The following PI4KB variants were observed in gnomAD, a reference collection of about 807,000 sequenced individuals.
The protein encoded by PI4KB is PtdIns 4-kinase beta.
Under a neutral mutation model 81.4 loss-of-function variants are expected in PI4KB, and 23 were observed. The ratio of observed to expected loss-of-function variants is 0.28; its 90% CI spans 0.20 to 0.40. The LOEUF is 0.40. Among genes scored for constraint, PI4KB ranks in the 10% least tolerant of loss-of-function variants. The pLI is 1.00. For synonymous variants in PI4KB, 381 were observed against 406.8 expected, an observed-to-expected ratio of 0.94 and a Z score of 0.76; for missense variants, 651 against 1,036.6, an observed-to-expected ratio of 0.63 and a Z score of 5.11.
chr1:151,293,994 C>G, intron 11 of PI4KB, 24 bp downstream of exon 11: 3 of 1,613,736 alleles, frequency 1.9e-6, no homozygotes, highest in Non-Finnish European at 2.5e-6. Context: ...GGCACTATAG[C>G]ACCTGACCTC....
In PI4KB at chr1:151,292,776, G is replaced by T; in HGVS notation, c.*76C>A. ...ATGGTTGGGTAGGTGGGGTTTCCTG[G>T]TTTGGGGTTTCTCAGACAAGGGCCC... On this transcript the variant is annotated 3_prime_UTR_variant, in exon 12 of 12. Coordinates refer to ENST00000368873, the MANE Select transcript of PI4KB (RefSeq NM_001369623.2). The T allele has an allele frequency of 7.3e-7, 1 of 1,375,720 alleles. No homozygotes were observed. The highest frequency in any genetic ancestry group is 1.0e-6 in the Non-Finnish European group (1 of 999,240). The allele number at this position is 1,375,720 out of a possible 1,614,324, so 85.2% of individuals were successfully genotyped here.
chr1:151,292,593 T>C lies in PI4KB; in HGVS notation c.*259A>G. ...CCTCTGTTTTCTGGAGGGCAGTGAG[T>C]CCTGGAGTCAGTCTGGTGGTAATAC... On this transcript the variant is annotated 3_prime_UTR_variant, in exon 12 of 12. Transcript: ENST00000368873. The C allele has an allele frequency of 2.0e-6, 1 of 490,936 alleles. No individual in the cohort carries two copies. Among genetic ancestry groups the C allele is most frequent in the Non-Finnish European group, 3.7e-6 (1 of 272,614 alleles). 30.4% of individuals were successfully genotyped at this position (490,936 alleles called of 1,614,324 possible).
At chr1:151,312,138 A>G (rs923846817) in intron 2 of PI4KB, among the ~76,000 whole-genome samples, 1 of 152,208 alleles carries the variant, frequency 6.6e-6, no homozygotes, top group African/African-American at 2.4e-5. Context: ...ACTGTGGGAG[A>G]GAGTGTAAAG....
intron 3 of PI4KB, 36 bp from the exon 4 acceptor site, chr1:151,307,837 G>C: frequency 6.7e-7 from 1 of 1,481,812 alleles, no homozygotes; most frequent in Non-Finnish European, 9.4e-7. Context: ...AGATGGTGAA[G>C]AAACCATAGA....
At chr1:151,315,485 C>T in intron 2 of PI4KB, 88 bp downstream of exon 2, 1 of 849,454 alleles carries the variant, frequency 1.2e-6, no homozygotes, top group Admixed American at 1.8e-5. Context: ...ACAGAAAGAA[C>T]AGCGTAACCC....
intron 2 of PI4KB, among the ~76,000 whole-genome samples, chr1:151,313,658 T>G (rs1025906462): frequency 3.3e-5 from 5 of 152,224 alleles, no homozygotes; most frequent in African/African-American, 1.2e-4. Context: ...GCAACTTCTC[T>G]TCATGACCCA....
intron 1 of PI4KB, among the ~76,000 whole-genome samples, chr1:151,326,649 T>C (rs1204051210): frequency 6.6e-6 from 1 of 152,132 alleles, no homozygotes; most frequent in African/African-American, 2.4e-5. Flanking sequence ...AGGTTCAAAG[T>C]AAGAATGTAA....
intron 1 of PI4KB, among the ~76,000 whole-genome samples, chr1:151,317,937 T>C (rs1049076248): frequency 6.6e-6 from 1 of 151,638 alleles, no homozygotes; most frequent in African/African-American, 2.4e-5. Flanking sequence ...GCCTCCCGAG[T>C]AGCTAGGACT....
At chr1:151,313,956 T>G (rs985841032) in intron 2 of PI4KB, among the ~76,000 whole-genome samples, 3 of 152,258 alleles carry the variant, frequency 2.0e-5, no homozygotes, top group African/African-American at 7.2e-5. Context: ...AGCCTCAGTT[T>G]CCTTGCTGGC....
chr1:151,310,299 A>AG, intron 2 of PI4KB, 44 bp from the exon 3 acceptor site: 1 of 634,402 alleles, frequency 1.6e-6, no homozygotes, highest in Non-Finnish European at 2.9e-6. Flanking sequence ...GGGGGTGGGA[A>AG]GGGAGGGGAG....
At chr1:151,327,147 G>A (rs1557821423) in intron 1 of PI4KB, 124 bp downstream of exon 1, 1 of 394,132 alleles carries the variant, frequency 2.5e-6, no homozygotes, top group Admixed American at 4.4e-5. Context: ...GGGTGCAGCT[G>A]ACACCAAGAG....
intron 2 of PI4KB, among the ~76,000 whole-genome samples, chr1:151,314,470 T>A (rs587702920): frequency 6.6e-6 from 1 of 152,320 alleles, no homozygotes; most frequent in South Asian, 2.1e-4. Context: ...AACCTATTCA[T>A]GTGGCCACCT....
At chr1:151,324,744 CCT>C (rs1649371280) in intron 1 of PI4KB, 1 of 985,250 alleles carries the variant, frequency 1.0e-6, no homozygotes, top group South Asian at 4.7e-5. Flanking sequence ...TGTGCACTCA[CCT>C]CTCTCTGAAT....
intron 8 of PI4KB, 80 bp downstream of exon 8, chr1:151,301,764 C>CT: frequency 7.2e-7 from 1 of 1,391,888 alleles, no homozygotes; most frequent in Non-Finnish European, 1.0e-6. Context: ...GAACTCCCGA[C>CT]TTTGTAATCC....
intron 8 of PI4KB, chr1:151,300,673 G>A (rs1695190157): frequency 6.6e-6 from 1 of 152,102 alleles, no homozygotes; most frequent in African/African-American, 2.4e-5. Context: ...TCAGAGACAG[G>A]GTCTTGCTAT....
At chr1:151,317,977 T>TA (rs1293524003) in intron 1 of PI4KB, among the ~76,000 whole-genome samples, 3 of 151,710 alleles carry the variant, frequency 2.0e-5, no homozygotes, top group Non-Finnish European at 4.4e-5. Context: ...CTCAGCTAAT[T>TA]AAAAAAAAAT....
intron 1 of PI4KB, among the ~76,000 whole-genome samples, chr1:151,316,814 T>TTTGTTGTTG (rs5777768): frequency 6.6e-6 from 1 of 151,880 alleles, no homozygotes; most frequent in Admixed American, 6.6e-5. Flanking sequence ...ACAAATTCTT[T>TTTGTTGTTG]TTGTTGTTGT....
intron 2 of PI4KB, 44 bp from the exon 3 acceptor site, chr1:151,310,299 A>G (rs1571188557): frequency 4.7e-6 from 3 of 634,374 alleles, no homozygotes; most frequent in Admixed American, 2.2e-5. Flanking sequence ...GGGGGTGGGA[A>G]GGGAGGGGAG....
At chr1:151,326,246 C>G in intron 1 of PI4KB, 1 of 1,504,138 alleles carries the variant, frequency 6.6e-7, no homozygotes, top group Non-Finnish European at 9.1e-7. Flanking sequence ...CAAGTGTAAT[C>G]TGATAGGGAC....
Sources: gnomAD v4.1 joint callset for allele counts (sites outside exome capture counted in the v4.1 genomes callset) on GRCh38, gnomAD v4.1.1 for gene constraint, MANE v1.5 for transcripts, NCBI Gene and HGNC (gene_info 2026-07-23, HGNC 2026-07-21) for gene names.